DLX2: variants seen among roughly 807,000 people sequenced by gnomAD.
The protein encoded by DLX2 is distal-less homeobox 2.
Under a neutral mutation model 27.4 loss-of-function variants are expected in DLX2, and 8 were observed. The ratio of observed to expected loss-of-function variants is 0.29; its 90% CI spans 0.17 to 0.53. DLX2 has a LOEUF of 0.53. Ranked by LOEUF, DLX2 falls within the 20% of genes least tolerant of loss-of-function variation. The pLI is 0.96. For missense variants in DLX2, 421 were observed against 450.9 expected, an observed-to-expected ratio of 0.93 and a Z score of 0.60; for synonymous variants, 210 against 200.8, an observed-to-expected ratio of 1.05 and a Z score of -0.39.
intron 1 of DLX2, 103 bp downstream of exon 1, chr2:172,102,036 T>A (rs546111873): frequency 6.6e-7 from 1 of 1,515,834 alleles, no homozygotes; most frequent in South Asian, 1.3e-5. Context: ...GCAGGCAGCG[T>A]GAAAATCCAG....
At position 172,102,670 on chromosome 2, in the gene DLX2, C is replaced by A; in HGVS notation, c.-132G>T. 1 of 938,900 alleles carries A rather than the reference C, an allele frequency of 1.1e-6. No homozygotes were observed. Among genetic ancestry groups the A allele is most frequent in the Non-Finnish European group, 1.6e-6 (1 of 643,898 alleles). The allele number at this position is 938,900 out of a possible 1,614,324, so 58.2% of individuals were successfully genotyped here. A position where few individuals can be genotyped will look rare whatever the true frequency, so the allele number is the denominator to read the frequency against. On this transcript the variant is annotated 5_prime_UTR_variant, in exon 1 of 3. Coordinates refer to ENST00000234198, the MANE Select transcript of DLX2 (RefSeq NM_004405.4). ...GGTGGTGGGGAAACAAGAAAGGAGG[C>A]AACCGTCTAGGCGCCTCCTCCTCCG...
chr2:172,101,679 A>G (rs746175715), intron 1 of DLX2, 33 bp from the exon 2 acceptor site: 3 of 1,590,234 alleles, frequency 1.9e-6, no homozygotes. Flanking sequence ...GAACAGCGCA[A>G]CCCAGGGGTC....
chr2:172,100,653 G>A lies in DLX2; in HGVS notation c.877C>T (p.Leu293=). Residue 293 remains leucine (L), a synonymous_variant, in exon 3 of 3, where the codon CTG becomes TTG. Transcript: ENST00000234198. This position sits in a 1 kb window ranked among gnomAD's most constrained non-coding sequence, Gnocchi z 4.5. ...TGCAGCAGCGGCGCCGTGGCCTGCAGGTGTGAGGCGGATCCCGAGGTCTGG... is the reference window on the plus strand; with the variant it reads ...TGCAGCAGCGGCGCCGTGGCCTGCAAGTGTGAGGCGGATCCCGAGGTCTGG... ...YHQTSGSASH[L]QATAPLLHPT... 6.4e-7 allele frequency: 1 copy of A among 1,564,416 alleles called. No homozygotes were observed. The highest frequency in any genetic ancestry group is 8.6e-7 in the Non-Finnish European group (1 of 1,161,896).
Position 172,102,242 on chromosome 2 carries a change from G to A in DLX2, c.297C>T (p.Asn99=). ...SYQYQASGLN[N]VPYSAKSSYD... is the part of the protein sequence containing the mutation. ...AGCTGCTCTTGGCGGAGTAAGGGAC[G>A]TTGTTGAGGCCGCTGGCTTGGTACT... The change falls in exon 1 of 3, where the codon AAC becomes AAT. Residue 99 remains asparagine (N), a synonymous_variant. Coordinates refer to ENST00000234198, the MANE Select transcript of DLX2 (RefSeq NM_004405.4). The A allele has an allele frequency of 6.2e-7, 1 of 1,614,222 alleles. No homozygotes were observed. The highest frequency in any genetic ancestry group is 8.5e-7 in the Non-Finnish European group (1 of 1,180,032).
rs1042284786 is a variant in DLX2 at position 172,100,561 on chromosome 2, G to C, written c.969C>G (p.Ser323Arg). ...CCTGGGGTTAGAAAATCGTCCCCGC[G>C]CTCACCGGGGCGCCCCCGCCGCCGT... ...HHHGGGGAPV[S>R]AGTIF Residue 323 changes from serine (S) to arginine (R), a missense_variant, in exon 3 of 3, where the codon AGC becomes AGG. Around this residue, in one of 5 missense-constraint regions of DLX2, gnomAD observed 185 missense variants for 171.1 expected, o/e 1.08. Transcript: ENST00000234198. This position sits in a 1 kb window ranked among gnomAD's most constrained non-coding sequence, Gnocchi z 4.5. The C allele has an allele frequency of 7.0e-6, 11 of 1,576,722 alleles. No individual in the cohort carries two copies. The highest frequency in any genetic ancestry group is 1.8e-5 in the Admixed American group (1 of 54,200).
intron 1 of DLX2, 131 bp downstream of exon 1, chr2:172,102,008 G>C (rs1314670268): frequency 6.9e-7 from 1 of 1,441,702 alleles, no homozygotes; most frequent in African/African-American, 1.4e-5. Context: ...GAGGGTAAAG[G>C]GCACAAGCGG....
chr2:172,102,198 G>A lies in DLX2; in HGVS notation c.341C>T (p.Ala114Val). The A allele has an allele frequency of 6.2e-7, 1 of 1,612,532 alleles. No homozygotes were observed. The highest frequency in any genetic ancestry group is 8.5e-7 in the Non-Finnish European group (1 of 1,179,346). The change falls in exon 1 of 3, where the codon GCC (alanine) becomes GTC (valine). Residue 114 changes from alanine (A) to valine (V), a missense_variant. Physicochemically the swap from Ala to Val is moderately conservative, Grantham distance 64. Transcript: ENST00000234198. ...AKSSYDLGYT[A>V]AYTSYAPYGT... Reference sequence around the variant, plus strand: ...ATAGGGAGCGTAGGAGGTGTAGGCGGCGGTGTAGCCCAGGTCATAGCTGCT... The same window carrying A: ...ATAGGGAGCGTAGGAGGTGTAGGCGACGGTGTAGCCCAGGTCATAGCTGCT...
At position 172,100,423 on chromosome 2, in the gene DLX2, G is replaced by T; in HGVS notation, c.*120C>A. ...CAGGGCCTGAGACGGGCCACTGCAG[G>T]TCGCAGCCTGCAGGAGAGGTGGGTG... On this transcript the variant is annotated 3_prime_UTR_variant, in exon 3 of 3. Transcript: ENST00000234198. The surrounding 1 kb of genome is among the most constrained non-coding windows in gnomAD (Gnocchi z 4.5). The T allele has an allele frequency of 9.4e-6, 11 of 1,175,614 alleles. No homozygotes were observed. Among genetic ancestry groups the T allele is most frequent in the Non-Finnish European group, 1.3e-5 (11 of 867,752 alleles). 72.8% of individuals were successfully genotyped at this position (1,175,614 alleles called of 1,614,324 possible). A position where few individuals can be genotyped will look rare whatever the true frequency, so the allele number is the denominator to read the frequency against.
Position 172,100,723 on chromosome 2 carries a change from C to A in DLX2, c.807G>T (p.Pro269=). The A allele has an allele frequency of 6.5e-7, 1 of 1,530,246 alleles. No individual in the cohort carries two copies. Among genetic ancestry groups the A allele is most frequent in the Non-Finnish European group, 8.7e-7 (1 of 1,147,960 alleles). 94.8% of individuals were successfully genotyped at this position (1,530,246 alleles called of 1,614,324 possible). A position where few individuals can be genotyped will look rare whatever the true frequency, so the allele number is the denominator to read the frequency against. Residue 269 remains proline (P), a synonymous_variant, in exon 3 of 3, where the codon CCG becomes CCT. Transcript: ENST00000234198. This position sits in a 1 kb window ranked among gnomAD's most constrained non-coding sequence, Gnocchi z 4.5. ...CCAGAAAAGCCGAGGCCGCGCTGCT[C>A]GGGCTGGAGCCCGAGCTGCCGGCGC... ...GSGAGSSGSS[P]SSAASAFLGN...
intron 2 of DLX2, 112 bp from the exon 3 acceptor site, chr2:172,101,056 C>T (rs756196315): frequency 2.9e-4 from 346 of 1,200,556 alleles, no homozygotes; most frequent in Non-Finnish European, 4.0e-4. Context: ...CGGTGGGCAG[C>T]GAGCGCCCTG....
In DLX2 at chr2:172,102,611, G is replaced by T. The variant is rs1021377577; in HGVS notation, c.-73C>A. The stretch of plus-strand genomic sequence containing the variant: ...GCCAGGCGCCTCCTCTGTCTCTCCC[G>T]GTCCCCTCCAGCAGCCAATGTAATT... On this transcript the variant is annotated 5_prime_UTR_variant, in exon 1 of 3. Transcript: ENST00000234198. The T allele has an allele frequency of 1.7e-5, 24 of 1,397,102 alleles. No individual in the cohort carries two copies. Among genetic ancestry groups the T allele is most frequent in the Non-Finnish European group, 2.1e-5 (22 of 1,052,444 alleles). The allele number at this position is 1,397,102 out of a possible 1,614,324, so 86.5% of individuals were successfully genotyped here.
In DLX2 at chr2:172,100,771, A is replaced by T. The variant is rs1433009967; in HGVS notation, c.759T>A (p.Gly253=). 1.3e-6 allele frequency: 2 copies of T among 1,578,486 alleles called. No homozygotes were observed. The highest frequency in any genetic ancestry group is 1.7e-6 in the Non-Finnish European group (2 of 1,162,436). The change falls in exon 3 of 3, where the codon GGT becomes GGA. Residue 253 remains glycine (G), a synonymous_variant. Coordinates refer to ENST00000234198, the MANE Select transcript of DLX2 (RefSeq NM_004405.4). This position sits in a 1 kb window ranked among gnomAD's most constrained non-coding sequence, Gnocchi z 4.5. The part of the protein sequence containing the change: ...FGVPQRMAGG[G]GPGSGGSGAG... The stretch of plus-strand genomic sequence containing the variant: ...CGCCGCTGCCGCCACTGCCCGGACC[A>T]CCGCCGCCCGCCATCCGCTGCGGCA...
chr2:172,100,556 C>T lies in DLX2; in HGVS notation c.974G>A (p.Gly325Glu). The T allele has an allele frequency of 2.5e-6, 4 of 1,575,534 alleles. No homozygotes were observed. Among genetic ancestry groups the T allele is most frequent in the Non-Finnish European group, 3.4e-6 (4 of 1,165,166 alleles). Reference protein sequence around the residue: ...HGGGGAPVSAGTIF With the variant: ...HGGGGAPVSAETIF ...TTCTCCCTGGGGTTAGAAAATCGTC[C>T]CCGCGCTCACCGGGGCGCCCCCGCC... The change falls in exon 3 of 3, where the codon GGG (glycine) becomes GAG (glutamate). Residue 325 changes from glycine to glutamate, a missense_variant. Gly to Glu is a moderately conservative substitution (Grantham distance 98). Coordinates refer to ENST00000234198, the MANE Select transcript of DLX2 (RefSeq NM_004405.4). The surrounding 1 kb of genome is among the most constrained non-coding windows in gnomAD (Gnocchi z 4.5).
chr2:172,101,300 C>T, intron 2 of DLX2, 162 bp downstream of exon 2: 1 of 865,338 alleles, frequency 1.2e-6, no homozygotes, highest in Non-Finnish European at 1.7e-6. Context: ...TGGGGGTTTC[C>T]AGCTTTGGGC....
intron 2 of DLX2, 129 bp from the exon 3 acceptor site, chr2:172,101,073 T>C (rs1691147399): frequency 9.8e-7 from 1 of 1,019,846 alleles, no homozygotes. Flanking sequence ...CCTGGGGAGA[T>C]AAGAGGATCA....
chr2:172,101,103 C>G, intron 2 of DLX2, 159 bp from the exon 3 acceptor site: 3 of 771,382 alleles, frequency 3.9e-6, no homozygotes, highest in Non-Finnish European at 6.2e-6. Flanking sequence ...GCCTTCGAGG[C>G]TCTGCCGGTT....
Position 172,100,763 on chromosome 2 carries a change from C to A in DLX2, c.767G>T (p.Gly256Val). The A allele has an allele frequency of 1.3e-6, 2 of 1,573,872 alleles. No individual in the cohort carries two copies. Among genetic ancestry groups the A allele is most frequent in the South Asian group, 1.1e-5 (1 of 87,884 alleles). Residue 256 changes from glycine (G) to valine (V), a missense_variant, in exon 3 of 3, where the codon GGC becomes GTC. Coordinates refer to ENST00000234198, the MANE Select transcript of DLX2 (RefSeq NM_004405.4). The surrounding 1 kb of genome is among the most constrained non-coding windows in gnomAD (Gnocchi z 4.5). ...GCTGCCGGCGCCGCTGCCGCCACTG[C>A]CCGGACCACCGCCGCCCGCCATCCG... Reference protein sequence around the residue: ...PQRMAGGGGPGSGGSGAGSSG... With the variant: ...PQRMAGGGGPVSGGSGAGSSG...
In DLX2 at chr2:172,102,221, G is replaced by A. The variant is rs747832022; in HGVS notation, c.318C>T (p.Ser106=). ...GLNNVPYSAK[S]SYDLGYTAAY... ...CGGCGGTGTAGCCCAGGTCATAGCT[G>A]CTCTTGGCGGAGTAAGGGACGTTGT... The change falls in exon 1 of 3, where the codon AGC becomes AGT. Residue 106 remains serine, a synonymous_variant. Coordinates refer to ENST00000234198, the MANE Select transcript of DLX2 (RefSeq NM_004405.4). 6.2e-7 allele frequency: 1 copy of A among 1,613,368 alleles called. No individual in the cohort carries two copies. Among genetic ancestry groups the A allele is most frequent in the East Asian group, 2.2e-5 (1 of 44,808 alleles).
At chr2:172,102,086 C>T in intron 1 of DLX2, 53 bp downstream of exon 1, 1 of 1,567,062 alleles carries the variant, frequency 6.4e-7, no homozygotes, top group Non-Finnish European at 8.6e-7. Flanking sequence ...GTTTACCCAT[C>T]CATCCCATTA....
Sources: allele counts gnomAD v4.1 joint callset, GRCh38; gene constraint gnomAD v4.1.1; regional missense constraint gnomAD v4.1.1; non-coding constraint Gnocchi (gnomAD v3.1); transcripts MANE v1.5; gene names NCBI Gene and HGNC (gene_info 2026-07-23, HGNC 2026-07-21).